The following CFAP47 variants were observed in gnomAD, a reference collection of about 807,000 sequenced individuals.
The protein encoded by CFAP47 is cilia- and flagella-associated protein 47.
CFAP47 carries 29 observed loss-of-function variants against 148.1 expected under a neutral mutation model. The observed-to-expected ratio is 0.20, with a 90% CI of 0.15 to 0.27. CFAP47 has a LOEUF of 0.27. CFAP47 is among the 10% of genes least tolerant of loss of function. CFAP47 has a pLI of 1.00. For missense variants in CFAP47, 1,872 were observed against 1,697.5 expected, an observed-to-expected ratio of 1.10 and a Z score of -1.81; for synonymous variants, 664 against 577.3, an observed-to-expected ratio of 1.15 and a Z score of -2.15.
intron 21 of CFAP47, 35 bp downstream of exon 21, chrX:36,001,742 G>A: frequency 3.5e-6 from 1 of 287,840 alleles, no homozygotes; most frequent in Non-Finnish European, 6.1e-6. Flanking sequence ...TATTACTGCA[G>A]TTATGGGTAT....
At chrX:36,309,005 T>G (rs192295657) in intron 55 of CFAP47, among the ~76,000 whole-genome samples, 2 of 111,726 alleles carry the variant, frequency 1.8e-5, no homozygotes, top group East Asian at 5.6e-4. Context: ...TTATATTTTA[T>G]GCAACCAGAG....
chrX:35,924,308 T>C (rs989327148), intron 1 of CFAP47, among the ~76,000 whole-genome samples: 9 of 102,134 alleles, frequency 8.8e-5, no homozygotes, highest in Admixed American at 8.0e-4. Flanking sequence ...CACATATGTA[T>C]ATATGTACAT....
chrX:36,300,725 A>G (rs1304712534), intron 52 of CFAP47, among the ~76,000 whole-genome samples: 1 of 112,019 alleles, frequency 8.9e-6, no homozygotes, highest in Admixed American at 9.4e-5. Context: ...TTCAACTAAA[A>G]CTAAATTTGA....
chrX:36,090,857 A>AG (rs1399373930), intron 30 of CFAP47, among the ~76,000 whole-genome samples: 2 of 111,987 alleles, frequency 1.8e-5, no homozygotes, highest in African/African-American at 3.2e-5. Flanking sequence ...GGATTAAGCT[A>AG]GGATTTTTTA....
chrX:36,138,010 TG>T lies in CFAP47; in HGVS notation c.5375del (p.Gly1792ValfsTer15). Reference protein sequence around the residue: ...IVNFDKDLSDGLVFATQLGAY... With the variant: ...IVNFDKDLSDXLVFATQLGAY... Reference sequence around the variant, plus strand: ...TAAATTTTGACAAAGACCTTTCAGATGGTCTTGTTTTTGCAACACAGTTGGG... The same window carrying T: ...TAAATTTTGACAAAGACCTTTCAGATGTCTTGTTTTTGCAACACAGTTGGG... On this transcript the variant is annotated frameshift_variant, in exon 34 of 64. Transcript: ENST00000378653. LOFTEE classifies it high-confidence loss of function. 1 of 964,095 alleles carries T rather than the reference TG, an allele frequency of 1.0e-6. No homozygotes were observed. Among genetic ancestry groups the T allele is most frequent in the Non-Finnish European group, 1.5e-6 (1 of 674,719 alleles). 79.5% of individuals were successfully genotyped at this position (964,095 alleles called of 1,213,427 possible).
intron 2 of CFAP47, among the ~76,000 whole-genome samples, chrX:35,938,164 TAGC>T (rs1413500327): frequency 8.9e-6 from 1 of 111,736 alleles, no homozygotes; most frequent in Non-Finnish European, 1.9e-5. Context: ...AATAATATGT[TAGC>T]AGGTGAAAAA....
intron 2 of CFAP47, 73 bp downstream of exon 2, chrX:35,926,241 T>C: frequency 1.2e-6 from 1 of 865,921 alleles, no homozygotes; most frequent in Non-Finnish European, 1.6e-6. Context: ...AAGTAATATT[T>C]TGTATTTTTT....
chrX:36,298,651 G>A (rs1175784755), intron 51 of CFAP47, among the ~76,000 whole-genome samples: 2 of 111,430 alleles, frequency 1.8e-5, no homozygotes, highest in Admixed American at 9.5e-5. Flanking sequence ...AGTAAACACT[G>A]AAAAATGGAC....
intron 3 of CFAP47, 59 bp downstream of exon 3, chrX:35,941,457 G>A: frequency 1.7e-6 from 1 of 599,311 alleles, no homozygotes; most frequent in Non-Finnish European, 2.5e-6. Flanking sequence ...TATTTGAAAT[G>A]TATACCTTGT....
chrX:36,100,701 A>G (rs772048662), intron 32 of CFAP47, among the ~76,000 whole-genome samples: 2 of 111,937 alleles, frequency 1.8e-5, no homozygotes, highest in African/African-American at 3.2e-5. Flanking sequence ...TAGTGACTCA[A>G]AGGAAAGGGC....
At chrX:36,176,051 T>C (rs772762296) in intron 39 of CFAP47, among the ~76,000 whole-genome samples, 1 of 112,171 alleles carries the variant, frequency 8.9e-6, no homozygotes, top group Non-Finnish European at 1.9e-5. Context: ...CAGGTGGGAG[T>C]GACCCGATTT....
intron 1 of CFAP47, among the ~76,000 whole-genome samples, chrX:35,921,797 GA>G (rs58164405): frequency 0.091 from 9,984 of 110,086 alleles, 1,164 homozygotes; most frequent in African/African-American, 0.32. Context: ...TGGGGGATAA[GA>G]AAAAGTAAAA....
intron 57 of CFAP47, among the ~76,000 whole-genome samples, chrX:36,331,090 C>A (rs1941561521): frequency 9.0e-6 from 1 of 111,459 alleles, no homozygotes; most frequent in Non-Finnish European, 1.9e-5. Flanking sequence ...TAACTTACTT[C>A]ATTGAAGACT....
intron 22 of CFAP47, among the ~76,000 whole-genome samples, chrX:36,027,083 A>G (rs1937225819): frequency 9.7e-6 from 1 of 103,275 alleles, no homozygotes; most frequent in South Asian, 4.1e-4. Context: ...TGAATCTGTC[A>G]TCATATATAT....
At chrX:35,988,401 A>G (rs1461406922) in intron 15 of CFAP47, among the ~76,000 whole-genome samples, 1 of 111,916 alleles carries the variant, frequency 8.9e-6, no homozygotes, top group African/African-American at 3.3e-5. Flanking sequence ...TTGGCATTCA[A>G]GAGTATTAAA....
chrX:36,071,276 T>G (rs1937746498), intron 27 of CFAP47, among the ~76,000 whole-genome samples: 1 of 112,243 alleles, frequency 8.9e-6, no homozygotes, highest in African/African-American at 3.2e-5. Flanking sequence ...CAGCACTGCC[T>G]TTGGTTGGAT....
intron 37 of CFAP47, among the ~76,000 whole-genome samples, chrX:36,157,973 G>A (rs943473185): frequency 9.0e-6 from 1 of 111,640 alleles, no homozygotes; most frequent in African/African-American, 3.3e-5. Context: ...AAATTGTTGA[G>A]GACACATATC....
At chrX:36,172,777 C>G (rs1939603254) in intron 39 of CFAP47, among the ~76,000 whole-genome samples, 1 of 111,461 alleles carries the variant, frequency 9.0e-6, no homozygotes, top group African/African-American at 3.3e-5. Flanking sequence ...GGTTGTGTCT[C>G]TGCCCGGCTT....
At chrX:36,242,835 G>A (rs1940562381) in intron 48 of CFAP47, among the ~76,000 whole-genome samples, 3 of 111,262 alleles carry the variant, frequency 2.7e-5, no homozygotes, top group African/African-American at 6.5e-5. Context: ...GAGAACCCTG[G>A]CTAGATACTA....
Sources: allele counts gnomAD v4.1 joint callset (sites outside exome capture counted in the v4.1 genomes callset), GRCh38; gene constraint gnomAD v4.1.1; transcripts MANE v1.5; gene names NCBI Gene and HGNC (gene_info 2026-07-23, HGNC 2026-07-21).